Variants in NCK2 observed in about 807,000 individuals in gnomAD.
NCK2 encodes cytoplasmic protein NCK2.
NCK2 carries 16 observed loss-of-function variants against 33.9 expected under a neutral mutation model. That is an observed-to-expected ratio of 0.47 (90% CI 0.32 to 0.72). The LOEUF is 0.72. NCK2 is among the 30% of genes least tolerant of loss of function. The pLI, the probability that NCK2 is intolerant of heterozygous loss-of-function variation, is 0.03. For synonymous variants in NCK2, 273 were observed against 239.9 expected (o/e 1.14, Z -1.27); for missense variants, 418 against 537.3 (o/e 0.78, Z 2.19).
chr2:105,834,928 C>T (rs968150895), intron 2 of NCK2, among the ~76,000 whole-genome samples: 1 of 152,036 alleles, frequency 6.6e-6, no homozygotes, highest in African/African-American at 2.4e-5. Context: ...TCCTCCCATC[C>T]CAGCCTCCAA....
At chr2:105,889,119 C>G (rs998895378) in intron 4 of NCK2, among the ~76,000 whole-genome samples, 7 of 152,212 alleles carry the variant, frequency 4.6e-5, no homozygotes, top group Admixed American at 3.3e-4. Flanking sequence ...CATTCCCTGG[C>G]TCCCTCTGGA....
chr2:105,791,490 G>C (rs1690883375), intron 1 of NCK2, among the ~76,000 whole-genome samples: 1 of 152,208 alleles, frequency 6.6e-6, no homozygotes, highest in Non-Finnish European at 1.5e-5. Flanking sequence ...CGGCCAGAGT[G>C]CTGCTGCAGA....
rs1341896209 is a variant in NCK2, at chr2:105,894,112, G to A, written c.*936G>A. 1.3e-5 allele frequency: 2 copies of A among 152,450 alleles called. No individual in the cohort carries two copies. Among genetic ancestry groups the A allele is most frequent in the African/African-American group, 4.8e-5 (2 of 41,392 alleles). 9.4% of individuals were successfully genotyped at this position (152,450 alleles called of 1,614,324 possible). On this transcript the variant is annotated 3_prime_UTR_variant, in exon 5 of 5. Transcript: ENST00000233154. The stretch of plus-strand genomic sequence containing the variant: ...AAGAGACACACAGAATGTTTATGAA[G>A]AAATTGCATTTTCTTTTTCCTTTAC...
At chr2:105,760,814 C>T (rs1056363509) in intron 1 of NCK2, among the ~76,000 whole-genome samples, 2 of 151,200 alleles carry the variant, frequency 1.3e-5, no homozygotes, top group African/African-American at 4.9e-5. Flanking sequence ...GAGGCAGAGA[C>T]ACCGAGACCC....
intron 1 of NCK2, among the ~76,000 whole-genome samples, chr2:105,790,895 A>T (rs557545437): frequency 5.9e-5 from 9 of 152,288 alleles, no homozygotes; most frequent in African/African-American, 2.2e-4. Flanking sequence ...GAGAGTCCTC[A>T]TCTGCAGGGC....
chr2:105,782,108 TG>T (rs1313069426), intron 1 of NCK2, among the ~76,000 whole-genome samples: 1 of 152,200 alleles, frequency 6.6e-6, no homozygotes, highest in Non-Finnish European at 1.5e-5. Flanking sequence ...GTTCTTACTA[TG>T]ACTGCGGGAA....
At position 105,756,123 on chromosome 2, in the gene NCK2, A is replaced by C. The variant is rs569983401; in HGVS notation, c.-201+10985A>C. On this transcript the variant is annotated intron_variant, in intron 1 of 4. Transcript: ENST00000233154. ...AAAACAGGCCCTTACTTGATCAAGTAGGATCAGCCTAGAGATGAAGAGAGC... is the reference window on the plus strand; with the variant it reads ...AAAACAGGCCCTTACTTGATCAAGTCGGATCAGCCTAGAGATGAAGAGAGC... Among the ~76,000 whole-genome samples the C allele has an allele frequency of 3.4e-3, 522 of 152,354 alleles. 1 individual carries two copies. The highest frequency in any genetic ancestry group is 5.9e-3 in the Non-Finnish European group (404 of 68,044).
At chr2:105,843,719 T>C (rs1676739371) in intron 2 of NCK2, among the ~76,000 whole-genome samples, 1 of 152,190 alleles carries the variant, frequency 6.6e-6, no homozygotes, top group South Asian at 2.1e-4. Flanking sequence ...AAAATAGCCG[T>C]AAGATCACAG....
intron 4 of NCK2, among the ~76,000 whole-genome samples, chr2:105,886,314 G>A (rs1678719175): frequency 6.6e-6 from 1 of 152,224 alleles, no homozygotes; most frequent in African/African-American, 2.4e-5. Flanking sequence ...CTCATCACCT[G>A]ATTCTGATTC....
At chr2:105,807,259 C>CA (rs1675083164) in intron 1 of NCK2, among the ~76,000 whole-genome samples, 1 of 152,198 alleles carries the variant, frequency 6.6e-6, no homozygotes, top group Non-Finnish European at 1.5e-5. Context: ...TCGCAGACAT[C>CA]ATGTTCTCTC....
intron 4 of NCK2, among the ~76,000 whole-genome samples, chr2:105,884,866 ATTG>A (rs1287264321): frequency 6.6e-6 from 1 of 152,070 alleles, no homozygotes; most frequent in Non-Finnish European, 1.5e-5. Flanking sequence ...AAGGTGATGC[ATTG>A]TTGTTGCTTA....
At chr2:105,755,026 T>A (rs138493683) in intron 1 of NCK2, among the ~76,000 whole-genome samples, 1 of 152,100 alleles carries the variant, frequency 6.6e-6, no homozygotes, top group Non-Finnish European at 1.5e-5. Flanking sequence ...CTGAACACCA[T>A]TTATCTTAAT....
chr2:105,781,317 C>T (rs1690490806), intron 1 of NCK2, among the ~76,000 whole-genome samples: 1 of 152,228 alleles, frequency 6.6e-6, no homozygotes. Flanking sequence ...TTTGCAGGTC[C>T]TGTTGCTGAC....
intron 1 of NCK2, among the ~76,000 whole-genome samples, chr2:105,765,676 T>A (rs1573565741): frequency 6.6e-6 from 1 of 151,720 alleles, no homozygotes. Context: ...GTTTTTTTTT[T>A]AATTACTAAT....
At chr2:105,748,594 A>AT (rs1463526078) in intron 1 of NCK2, among the ~76,000 whole-genome samples, 1 of 151,410 alleles carries the variant, frequency 6.6e-6, no homozygotes, top group East Asian at 1.9e-4. Context: ...TTTTATTTTT[A>AT]TTTTGTAGAG....
Position 105,782,771 on chromosome 2 carries a change from T to G in NCK2, c.-200-33659T>G, listed in dbSNP as rs1354447369. Reference sequence around the variant, plus strand: ...GTGGATGTCGGGGAGAAGAGGAGGTTGCAAAGGCTGTTAGGCTTGTGCTCA... The same window carrying G: ...GTGGATGTCGGGGAGAAGAGGAGGTGGCAAAGGCTGTTAGGCTTGTGCTCA... On this transcript the variant is annotated intron_variant, in intron 1 of 4. Transcript: ENST00000233154. 3.9e-5 allele frequency among the ~76,000 whole-genome samples: 6 copies of G among 152,268 alleles called. No homozygotes were observed. The East Asian group carries it at 1.2e-3, about 29-fold the overall frequency.
chr2:105,752,904 G>A (rs1022970927), intron 1 of NCK2, among the ~76,000 whole-genome samples: 4 of 151,968 alleles, frequency 2.6e-5, no homozygotes, highest in Admixed American at 6.6e-5. Context: ...TCTCCCACAC[G>A]GACACAGACA....
At chr2:105,822,097 T>G (rs1675762449) in intron 2 of NCK2, among the ~76,000 whole-genome samples, 1 of 152,038 alleles carries the variant, frequency 6.6e-6, no homozygotes, top group South Asian at 2.1e-4. Flanking sequence ...AAGCCTTTCT[T>G]TCTTACTGTA....
rs377730513 is a variant in NCK2 at position 105,893,213 on chromosome 2, C to T, written c.*37C>T. On this transcript the variant is annotated 3_prime_UTR_variant, in exon 5 of 5. Coordinates refer to ENST00000233154, the MANE Select transcript of NCK2 (RefSeq NM_003581.5). Reference sequence around the variant, plus strand: ...CCCCACACTCGCCTCCCGGGCCCCACGGTGGAGCTGCCCGCCCGGCCTTGT... The same window carrying T: ...CCCCACACTCGCCTCCCGGGCCCCATGGTGGAGCTGCCCGCCCGGCCTTGT... 15 of 1,532,024 alleles carry T rather than the reference C, an allele frequency of 9.8e-6. No individual in the cohort carries two copies. In the South Asian group the frequency reaches 1.4e-4, roughly 15 times the overall value. 94.9% of individuals were successfully genotyped at this position (1,532,024 alleles called of 1,614,324 possible). A position where few individuals can be genotyped will look rare whatever the true frequency, so the allele number is the denominator to read the frequency against.
Sources: allele counts gnomAD v4.1 joint callset (sites outside exome capture counted in the v4.1 genomes callset), GRCh38; gene constraint gnomAD v4.1.1; transcripts MANE v1.5; gene names NCBI Gene and HGNC (gene_info 2026-07-23, HGNC 2026-07-21).